TOGARAM1: variants seen among roughly 807,000 people sequenced by gnomAD.
TOGARAM1 encodes TOG array regulator of axonemal microtubules 1, also known as TOG array regulator of axonemal microtubules protein 1.
A neutral mutation model predicts 166.6 loss-of-function variants in TOGARAM1; 100 were observed. The observed-to-expected ratio is 0.60, with a 90% confidence interval of 0.51 to 0.71. The LOEUF (loss-of-function observed/expected upper bound fraction) is 0.71. TOGARAM1 is among the 30% of genes least tolerant of loss of function. TOGARAM1 has a pLI of 0.00. For synonymous variants in TOGARAM1, 758 were observed against 763.8 expected (o/e 0.99, Z 0.13); for missense variants, 2,029 against 2,102.7 (o/e 0.96, Z 0.69).
intron 1 of TOGARAM1, among the ~76,000 whole-genome samples, chr14:44,990,895 C>CA (rs1000337570): frequency 1.1e-4 from 16 of 150,478 alleles, no homozygotes; most frequent in Non-Finnish European, 1.9e-4. Context: ...GTGACCCTCC[C>CA]ACCTCAGCCT....
At chr14:44,978,994 A>G (rs1310759539) in intron 1 of TOGARAM1, among the ~76,000 whole-genome samples, 1 of 150,948 alleles carries the variant, frequency 6.6e-6, no homozygotes, top group Non-Finnish European at 1.5e-5. Context: ...TAATGTCACT[A>G]ACCAATCCTA....
At position 45,014,067 on chromosome 14, in the gene TOGARAM1, C is replaced by A. The variant is rs568835987; in HGVS notation, c.3238+1992C>A. 8.0e-4 allele frequency among the ~76,000 whole-genome samples: 101 copies of A among 126,046 alleles called. 3 individuals carry two copies. In the South Asian group the frequency reaches 0.024, roughly 30 times the overall value. The allele number at this position is 126,046 out of a possible 152,430, so 82.7% of individuals were successfully genotyped here. A position where few individuals can be genotyped will look rare whatever the true frequency, so the allele number is the denominator to read the frequency against. ...TCTTTTTTTTTTTTTTTTTTTGAGA[C>A]AAGAGTCTCGCTCTGTCGCTGAGGC... On this transcript the variant is annotated intron_variant, in intron 7 of 19. Transcript: ENST00000361462.
intron 16 of TOGARAM1, among the ~76,000 whole-genome samples, chr14:45,059,938 A>G (rs1478634775): frequency 7.0e-6 from 1 of 143,632 alleles, no homozygotes; most frequent in Admixed American, 7.0e-5. Flanking sequence ...TTTGAGATGG[A>G]GTCTCGCTCT....
chr14:44,983,826 T>C (rs1886655051), intron 1 of TOGARAM1, among the ~76,000 whole-genome samples: 1 of 152,232 alleles, frequency 6.6e-6, no homozygotes, highest in African/African-American at 2.4e-5. Context: ...CTTTTATTTT[T>C]TATGCTTGTG....
intron 1 of TOGARAM1, among the ~76,000 whole-genome samples, chr14:44,990,953 C>CTTTTTTTTTTTT (rs1171702041): frequency 1.1e-4 from 8 of 74,200 alleles, no homozygotes; most frequent in African/African-American, 3.6e-4. Flanking sequence ...CCAGCTGAGG[C>CTTTTTTTTTTTT]TTTTTTTTTT....
intron 4 of TOGARAM1, among the ~76,000 whole-genome samples, chr14:45,004,928 C>CT (rs879728629): frequency 1.3e-4 from 19 of 147,692 alleles, no homozygotes; most frequent in South Asian, 4.3e-4. Flanking sequence ...TAATTTGAAA[C>CT]TTTTTTTTTT....
rs972058065 is a variant in TOGARAM1 at position 45,006,346 on chromosome 14, G to T, written c.2904+79G>T. On this transcript the variant is annotated intron_variant, in intron 5 of 19. Transcript: ENST00000361462. Reference sequence around the variant, plus strand: ...TAGTTGCTATTTAAGGAAAAATCAAGTTCTTTTTATCCTATAATATCTTAT... The same window carrying T: ...TAGTTGCTATTTAAGGAAAAATCAATTTCTTTTTATCCTATAATATCTTAT... The T allele has an allele frequency of 3.6e-5, 37 of 1,040,936 alleles. No homozygotes were observed. In the African/African-American group the frequency reaches 5.7e-4, roughly 16 times the overall value. 64.5% of individuals were successfully genotyped at this position (1,040,936 alleles called of 1,614,324 possible). A position where few individuals can be genotyped will look rare whatever the true frequency, so the allele number is the denominator to read the frequency against.
At chr14:45,063,983 C>A (rs1377073403) in intron 16 of TOGARAM1, among the ~76,000 whole-genome samples, 1 of 152,140 alleles carries the variant, frequency 6.6e-6, no homozygotes, top group East Asian at 1.9e-4. Context: ...ATGTATAAGT[C>A]TTTGGACTTC....
At chr14:45,025,581 G>GAAAGGAAGGTTT (rs1880786998) in intron 7 of TOGARAM1, 1 of 395,004 alleles carries the variant, frequency 2.5e-6, no homozygotes, top group South Asian at 4.4e-5. Flanking sequence ...AAAAAAAAAG[G>GAAAGGAAGGTTT]AAAGGAAGGT....
intron 1 of TOGARAM1, among the ~76,000 whole-genome samples, chr14:44,994,134 TCTCA>T (rs1416195152): frequency 5.3e-5 from 8 of 152,070 alleles, no homozygotes. Flanking sequence ...TGAGGCAGAG[TCTCA>T]CTCTGTTGCC....
At chr14:44,977,384 G>A (rs1030047674) in intron 1 of TOGARAM1, among the ~76,000 whole-genome samples, 15 of 151,606 alleles carry the variant, frequency 9.9e-5, no homozygotes, top group Non-Finnish European at 1.9e-4. Flanking sequence ...ACAGGCACCC[G>A]CCACCATGCC....
chr14:45,016,117 C>G (rs185105848), intron 7 of TOGARAM1, among the ~76,000 whole-genome samples: 29 of 151,960 alleles, frequency 1.9e-4, no homozygotes, highest in African/African-American at 6.5e-4. Context: ...CTTGTCAGGC[C>G]AGGCACAGTG....
At chr14:44,983,038 T>G (rs1886613252) in intron 1 of TOGARAM1, among the ~76,000 whole-genome samples, 1 of 152,214 alleles carries the variant, frequency 6.6e-6, no homozygotes, top group Non-Finnish European at 1.5e-5. Flanking sequence ...ATTACTGTGC[T>G]TTATTTTTAA....
intron 18 of TOGARAM1, 122 bp downstream of exon 18, chr14:45,068,765 T>C (rs1883250849): frequency 6.3e-6 from 4 of 630,846 alleles, no homozygotes; most frequent in Non-Finnish European, 1.0e-5. Flanking sequence ...CTTAATATTA[T>C]CATAAAACTT....
rs778394428 is a variant in TOGARAM1, at chr14:45,044,663, G to T, written c.3947G>T (p.Arg1316Leu). 3.7e-6 allele frequency: 6 copies of T among 1,605,144 alleles called. No individual in the cohort carries two copies. Among genetic ancestry groups the T allele is most frequent in the East Asian group, 2.2e-5 (1 of 44,510 alleles). The change falls in exon 13 of 20, where the codon CGT (arginine) becomes CTT (leucine). Residue 1316 changes from arginine to leucine, a missense_variant. This residue lies in a region of TOGARAM1 where 576 missense variants were observed against 670.5 expected (regional missense o/e 0.86). Transcript: ENST00000361462. ...EVKNLRSGVSRAAVVCLSDLF... is the reference protein window; with the variant it reads ...EVKNLRSGVSLAAVVCLSDLF... ...AAAAATTTACGTTCTGGAGTTTCTC[G>T]TGCTGCTGTGGTCTGTTTAAGTGAT...
chr14:44,963,859 A>G lies in TOGARAM1; in HGVS notation c.1438A>G (p.Lys480Glu), dbSNP rs139341319. Reference sequence around the variant, plus strand: ...GCTTTGTTTACTCCTGGAACATCTCAAACATAAGCATTCCAGAGTGAGAGA... The same window carrying G: ...GCTTTGTTTACTCCTGGAACATCTCGAACATAAGCATTCCAGAGTGAGAGA... ...QVLCLLLEHL[K>E]HKHSRVREEV... The change falls in exon 1 of 20, where the codon AAA becomes GAA. Residue 480 changes from lysine (K) to glutamate (E), a missense_variant. Coordinates refer to ENST00000361462, the MANE Select transcript of TOGARAM1 (RefSeq NM_001308120.2). 11 of 1,613,934 alleles carry G rather than the reference A, an allele frequency of 6.8e-6. No individual in the cohort carries two copies. In the East Asian group the frequency reaches 8.9e-5, roughly 13 times the overall value.
At chr14:45,031,014 T>C (rs966409943) in intron 10 of TOGARAM1, among the ~76,000 whole-genome samples, 11 of 152,202 alleles carry the variant, frequency 7.2e-5, no homozygotes, top group Non-Finnish European at 1.5e-4. Flanking sequence ...TAATAAATGC[T>C]AGCTAATATC....
At chr14:45,032,007 A>G (rs1251218531) in intron 10 of TOGARAM1, among the ~76,000 whole-genome samples, 2 of 152,124 alleles carry the variant, frequency 1.3e-5, no homozygotes, top group South Asian at 2.1e-4. Context: ...TAAAAATACA[A>G]AAATTAGCTG....
At chr14:44,993,545 T>G (rs1186805656) in intron 1 of TOGARAM1, among the ~76,000 whole-genome samples, 1 of 152,216 alleles carries the variant, frequency 6.6e-6, no homozygotes, top group African/African-American at 2.4e-5. Flanking sequence ...AACTCACAAC[T>G]CTTTCAAAAT....
Sources: allele counts gnomAD v4.1 joint callset (sites outside exome capture counted in the v4.1 genomes callset), GRCh38; gene constraint gnomAD v4.1.1; regional missense constraint gnomAD v4.1.1; transcripts MANE v1.5; gene names NCBI Gene and HGNC (gene_info 2026-07-23, HGNC 2026-07-21).